The following IMMP2L variants were observed in gnomAD, a reference collection of about 807,000 sequenced individuals.
IMMP2L encodes mitochondrial inner membrane protease subunit 2.
IMMP2L carries 18 observed loss-of-function variants against 19.3 expected under a neutral mutation model. That is an observed-to-expected ratio of 0.93 (90% CI 0.64 to 1.38). The LOEUF (loss-of-function observed/expected upper bound fraction) is 1.38, where lower values mean the gene tolerates loss of function less well. Ranked by LOEUF, IMMP2L falls within the 40% of genes most tolerant of loss-of-function variation. The pLI is 0.00. For synonymous variants in IMMP2L, 76 were observed against 73.0 expected (o/e 1.04, Z -0.21); for missense variants, 233 against 218.2 (o/e 1.07, Z -0.43).
intron 3 of IMMP2L, among the ~76,000 whole-genome samples, chr7:111,226,660 A>G (rs1457744057): frequency 6.6e-6 from 1 of 152,138 alleles, no homozygotes; most frequent in Non-Finnish European, 1.5e-5. Flanking sequence ...TTCTCTTTAT[A>G]GCAACATAAT....
intron 5 of IMMP2L, among the ~76,000 whole-genome samples, chr7:110,774,465 A>T (rs1379791273): frequency 6.6e-6 from 1 of 152,092 alleles, no homozygotes; most frequent in Non-Finnish European, 1.5e-5. Context: ...ATCCAGAAGG[A>T]AACAAAAAAC....
intron 3 of IMMP2L, among the ~76,000 whole-genome samples, chr7:110,987,317 C>T (rs975173505): frequency 1.3e-5 from 2 of 152,126 alleles, no homozygotes; most frequent in Admixed American, 1.3e-4. Context: ...GAGTTGACAG[C>T]TATTGGCAAG....
intron 3 of IMMP2L, among the ~76,000 whole-genome samples, chr7:111,167,181 C>T (rs1205137190): frequency 5.3e-5 from 8 of 152,054 alleles, no homozygotes; most frequent in Admixed American, 2.0e-4. Context: ...GATCTGACCA[C>T]GTCATGAACC....
intron 3 of IMMP2L, among the ~76,000 whole-genome samples, chr7:111,044,371 C>T (rs868741715): frequency 2.3e-4 from 35 of 152,166 alleles, no homozygotes; most frequent in African/African-American, 7.9e-4. Flanking sequence ...ACCAGCCTGG[C>T]CAACATGGTG....
intron 3 of IMMP2L, among the ~76,000 whole-genome samples, chr7:111,292,763 T>C (rs1398406439): frequency 2.6e-5 from 4 of 152,042 alleles, no homozygotes; most frequent in Non-Finnish European, 4.4e-5. Context: ...TAATAATGCC[T>C]ACTTCCCAGG....
chr7:110,896,071 C>G (rs574002163), intron 4 of IMMP2L, among the ~76,000 whole-genome samples: 69 of 152,256 alleles, frequency 4.5e-4, no homozygotes, highest in African/African-American at 1.5e-3. Flanking sequence ...ATCCTCCCAC[C>G]TCAGCCTCCT....
At chr7:110,826,191 C>G (rs550044650) in intron 5 of IMMP2L, among the ~76,000 whole-genome samples, 172 of 152,152 alleles carry the variant, frequency 1.1e-3, no homozygotes, top group African/African-American at 3.9e-3. Context: ...GAAACAACAG[C>G]TGCTGGAGAG....
chr7:111,538,295 A>C (rs1180669885), intron 1 of IMMP2L, among the ~76,000 whole-genome samples: 5 of 152,042 alleles, frequency 3.3e-5, no homozygotes, highest in African/African-American at 1.2e-4. Flanking sequence ...ATGTGATATA[A>C]GTTCTGGAGG....
intron 4 of IMMP2L, among the ~76,000 whole-genome samples, chr7:110,888,155 T>C (rs1344424461): frequency 6.6e-6 from 1 of 152,178 alleles, no homozygotes; most frequent in African/African-American, 2.4e-5. Context: ...TATTTTTAAT[T>C]ACTATTGCGA....
chr7:111,072,476 A>C (rs924248265), intron 3 of IMMP2L, among the ~76,000 whole-genome samples: 1 of 152,196 alleles, frequency 6.6e-6, no homozygotes, highest in Admixed American at 6.5e-5. Context: ...TTACTCTCAA[A>C]ATGTGTAACC....
intron 3 of IMMP2L, among the ~76,000 whole-genome samples, chr7:111,291,179 C>T: frequency 6.6e-6 from 1 of 152,060 alleles, no homozygotes; most frequent in Non-Finnish European, 1.5e-5. Flanking sequence ...CAGATAGTAT[C>T]TTGCAATTTG....
chr7:110,809,057 C>T (rs1048035774), intron 5 of IMMP2L, among the ~76,000 whole-genome samples: 1 of 152,012 alleles, frequency 6.6e-6, no homozygotes, highest in Non-Finnish European at 1.5e-5. Flanking sequence ...TGTCATCTTT[C>T]CCAAATAAAA....
intron 3 of IMMP2L, among the ~76,000 whole-genome samples, chr7:111,442,922 C>A (rs946928746): frequency 6.6e-6 from 1 of 151,750 alleles, no homozygotes; most frequent in African/African-American, 2.4e-5. Context: ...TTAAACAGAA[C>A]AGAAAAAAAG....
At chr7:110,794,724 T>G (rs1270668788) in intron 5 of IMMP2L, among the ~76,000 whole-genome samples, 2 of 151,922 alleles carry the variant, frequency 1.3e-5, no homozygotes, top group Non-Finnish European at 2.9e-5. Flanking sequence ...ATAAGGAAAG[T>G]GTAAGAATGT....
At chr7:111,524,519 T>C (rs187682439) in intron 1 of IMMP2L, among the ~76,000 whole-genome samples, 1 of 152,090 alleles carries the variant, frequency 6.6e-6, no homozygotes, top group African/African-American at 2.4e-5. Context: ...TTGCCTTGAC[T>C]GACATGCTTA....
chr7:111,404,364 T>C (rs1833732559), intron 3 of IMMP2L, among the ~76,000 whole-genome samples: 1 of 152,096 alleles, frequency 6.6e-6, no homozygotes, highest in African/African-American at 2.4e-5. Flanking sequence ...TTCCTAAGGA[T>C]TTCATCTAGA....
At chr7:111,227,284 C>A (rs867347209) in intron 3 of IMMP2L, among the ~76,000 whole-genome samples, 1 of 152,086 alleles carries the variant, frequency 6.6e-6, no homozygotes. Context: ...ACTTTTTTAT[C>A]TCCTTCTCCA....
chr7:111,553,104 G>C (rs1487795311), intron 1 of IMMP2L, among the ~76,000 whole-genome samples: 1 of 152,104 alleles, frequency 6.6e-6, no homozygotes, highest in African/African-American at 2.4e-5. Flanking sequence ...GCAACCATGA[G>C]ATAACAAACA....
At chr7:111,126,738 G>T (rs1377011554) in intron 3 of IMMP2L, among the ~76,000 whole-genome samples, 2 of 152,046 alleles carry the variant, frequency 1.3e-5, no homozygotes, top group Non-Finnish European at 2.9e-5. Context: ...AAAAATAGAA[G>T]TATTTTTGTA....
Sources: allele counts gnomAD v4.1 joint callset (sites outside exome capture counted in the v4.1 genomes callset), GRCh38; gene constraint gnomAD v4.1.1; transcripts MANE v1.5; gene names NCBI Gene and HGNC (gene_info 2026-07-23, HGNC 2026-07-21).